The following ACAD8 variants were observed in gnomAD, a reference collection of about 807,000 sequenced individuals.
The protein encoded by ACAD8 is acyl-CoA dehydrogenase family member 8.
Under a neutral mutation model 53.1 loss-of-function variants are expected in ACAD8, and 47 were observed. That is an observed-to-expected ratio of 0.89 (90% confidence interval 0.70 to 1.13). The LOEUF (loss-of-function observed/expected upper bound fraction) is 1.13, where lower values mean the gene tolerates loss of function less well. Among genes scored for constraint, ACAD8 ranks in the 50% most tolerant of loss-of-function variants. The pLI, the probability that ACAD8 is intolerant of heterozygous loss-of-function variation, is 0.00. For missense variants in ACAD8, 494 were observed against 535.0 expected (o/e 0.92, Z 0.76); for synonymous variants, 198 against 201.3 (o/e 0.98, Z 0.14).
chr11:134,256,782 A>G, intron 2 of ACAD8, 134 bp downstream of exon 2: 1 of 820,296 alleles, frequency 1.2e-6, no homozygotes, highest in Non-Finnish European at 1.9e-6. Flanking sequence ...GAATACCGGT[A>G]GTGGATGATT....
chr11:134,263,754 CATTT>C, intron 10 of ACAD8: 1 of 985,294 alleles, frequency 1.0e-6, no homozygotes, highest in South Asian at 4.7e-5. Context: ...AGCAGGAAAA[CATTT>C]ATTGTAGGCC....
rs1299957581 is a variant in ACAD8, at chr11:134,261,939, G to C, written c.1092+49G>C. On this transcript the variant is annotated intron_variant, in intron 9 of 10. Coordinates refer to ENST00000281182, the MANE Select transcript of ACAD8 (RefSeq NM_014384.3). The surrounding 1 kb of genome is among the most constrained non-coding windows in gnomAD (Gnocchi z 4.2). ...TGGGATGGACAGGGAACAGCTGCTA[G>C]GCCCAGGGGTCTTGAGAGACATGAG... 5 of 1,606,772 alleles carry C rather than the reference G, an allele frequency of 3.1e-6. No individual in the cohort carries two copies. The South Asian group carries it at 4.4e-5, about 14-fold the overall frequency.
chr11:134,262,677 C>T, intron 10 of ACAD8, 55 bp downstream of exon 10: 1 of 1,555,456 alleles, frequency 6.4e-7, no homozygotes, highest in Non-Finnish European at 8.7e-7. Flanking sequence ...GGGATCGCTG[C>T]TTTCCCCACT....
At chr11:134,258,131 T>C in intron 3 of ACAD8, 1 of 333,424 alleles carries the variant, frequency 3.0e-6, no homozygotes, top group Non-Finnish European at 5.8e-6. Flanking sequence ...ATTACAGATG[T>C]GAGCCACCGC....
Position 134,262,512 on chromosome 11 carries a change from C to T in ACAD8, c.1093-8C>T. The T allele has an allele frequency of 6.2e-7, 1 of 1,603,888 alleles. No individual in the cohort carries two copies. The highest frequency in any genetic ancestry group is 8.5e-7 in the Non-Finnish European group (1 of 1,171,330). On this transcript the variant is annotated splice_region_variant and splice_polypyrimidine_tract_variant and intron_variant, in intron 9 of 10. Coordinates refer to ENST00000281182, the MANE Select transcript of ACAD8 (RefSeq NM_014384.3). Reference sequence around the variant, plus strand: ...AGTCCAAGACGTCTAGTCCCTGTCTCCCTGCAGATCTGCAACCAGGCCTTG... The same window carrying T: ...AGTCCAAGACGTCTAGTCCCTGTCTTCCTGCAGATCTGCAACCAGGCCTTG...
Position 134,253,583 on chromosome 11 carries a change from C to A in ACAD8, c.-18C>A. 3 of 1,566,890 alleles carry A rather than the reference C, an allele frequency of 1.9e-6. No homozygotes were observed. Among genetic ancestry groups the A allele is most frequent in the Non-Finnish European group, 1.7e-6 (2 of 1,158,832 alleles). ...GAAGGCGTTCAGACTCTTAGCTGAA[C>A]GCGGAGCTGCGGCGGCTATGCTGTG... is the stretch of plus-strand genomic sequence containing the variant. On this transcript the variant is annotated 5_prime_UTR_variant, in exon 1 of 11. Coordinates refer to ENST00000281182, the MANE Select transcript of ACAD8 (RefSeq NM_014384.3).
At position 134,261,367 on chromosome 11, in the gene ACAD8, A is replaced by T; in HGVS notation, c.934A>T (p.Asn312Tyr). Residue 312 changes from asparagine to tyrosine, a missense_variant, in exon 8 of 11, where the codon AAC (asparagine) becomes TAC (tyrosine). By Grantham distance (143) the Asn-to-Tyr change is moderately radical. Transcript: ENST00000281182. This position sits in a 1 kb window ranked among gnomAD's most constrained non-coding sequence, Gnocchi z 4.2. ...GCAGTTTGGAGAGCCTCTGGCCAGT[A>T]ACCAGGTAACCTCTGCCTTGCCTCC... ...RKQFGEPLAS[N>Y]QYLQFTLADM... 2 of 1,614,066 alleles carry T rather than the reference A, an allele frequency of 1.2e-6. No individual in the cohort carries two copies. The highest frequency in any genetic ancestry group is 8.5e-7 in the Non-Finnish European group (1 of 1,179,994).
chr11:134,257,935 C>T (rs905254844), intron 3 of ACAD8: 7 of 174,426 alleles, frequency 4.0e-5, no homozygotes, highest in African/African-American at 9.6e-5. Context: ...CTGCAACCTC[C>T]GTCTCCCCGG....
chr11:134,262,125 G>A (rs375675119), intron 9 of ACAD8: 2 of 679,530 alleles, frequency 2.9e-6, no homozygotes, highest in East Asian at 2.8e-5. Context: ...GTTTGGTTGT[G>A]TTCTAGGCGA....
At chr11:134,258,761 T>G in intron 4 of ACAD8, 137 bp downstream of exon 4, 1 of 776,820 alleles carries the variant, frequency 1.3e-6, no homozygotes, top group Non-Finnish European at 2.2e-6. Flanking sequence ...AGTAATAGAG[T>G]CCTGTGACCT....
chr11:134,254,098 C>T (rs1361924502), intron 1 of ACAD8, among the ~76,000 whole-genome samples: 4 of 152,192 alleles, frequency 2.6e-5, no homozygotes, highest in Non-Finnish European at 5.9e-5. Context: ...GGCCGGTCAC[C>T]CTCGGATGCT....
At position 134,264,999 on chromosome 11, in the gene ACAD8, C is replaced by T. The variant is rs1428516998; in HGVS notation, c.*39C>T. Reference sequence around the variant, plus strand: ...TCTGGCCTGGTGTTCAGTGCGACTGCAGTCAGTGTTGAGTGGTGCCATGTG... The same window carrying T: ...TCTGGCCTGGTGTTCAGTGCGACTGTAGTCAGTGTTGAGTGGTGCCATGTG... On this transcript the variant is annotated 3_prime_UTR_variant, in exon 11 of 11. Coordinates refer to ENST00000281182, the MANE Select transcript of ACAD8 (RefSeq NM_014384.3). 6 of 1,604,262 alleles carry T rather than the reference C, an allele frequency of 3.7e-6. 1 individual carries two copies. The Admixed American group carries it at 8.3e-5, about 22-fold the overall frequency.
Position 134,262,168 on chromosome 11 carries a change from A to C in ACAD8, c.1092+278A>C, listed in dbSNP as rs1309246987. ...CCTTTGGAAGGTTCACAGCAGCCCC[A>C]ATTTAGCACTCTGCCATGTTTACAT... On this transcript the variant is annotated intron_variant, in intron 9 of 10. Coordinates refer to ENST00000281182, the MANE Select transcript of ACAD8 (RefSeq NM_014384.3). 3 of 661,148 alleles carry C rather than the reference A, an allele frequency of 4.5e-6. No homozygotes were observed. The African/African-American group carries it at 5.3e-5, about 12-fold the overall frequency. 41.0% of individuals were successfully genotyped at this position (661,148 alleles called of 1,614,324 possible).
At position 134,261,252 on chromosome 11, in the gene ACAD8, A is replaced by G. The variant is rs1939862861; in HGVS notation, c.842-23A>G. On this transcript the variant is annotated intron_variant, in intron 7 of 10. Transcript: ENST00000281182. This position sits in a 1 kb window ranked among gnomAD's most constrained non-coding sequence, Gnocchi z 4.2. ...ACTGCTGTTTTCCAGCTTGGTTGGAACGTCGGCGCTCTTCCCCTCTAGCTT... is the reference window on the plus strand; with the variant it reads ...ACTGCTGTTTTCCAGCTTGGTTGGAGCGTCGGCGCTCTTCCCCTCTAGCTT... The G allele has an allele frequency of 6.2e-7, 1 of 1,613,762 alleles. No individual in the cohort carries two copies.
chr11:134,260,133 C>G (rs1939797656), intron 6 of ACAD8: 1 of 1,158,398 alleles, frequency 8.6e-7, no homozygotes. Flanking sequence ...CCTTTTGCTT[C>G]TTTGATTAAA....
intron 10 of ACAD8, chr11:134,263,518 C>T (rs1035146393): frequency 5.1e-6 from 5 of 985,530 alleles, no homozygotes; most frequent in Non-Finnish European, 6.0e-6. Context: ...TGAGACCCAC[C>T]GCTCTGGTGT....
At chr11:134,260,499 T>C (rs77332416) in intron 6 of ACAD8, 7,107 of 203,726 alleles carry the variant, frequency 0.035, 534 homozygotes, top group African/African-American at 0.16. Flanking sequence ...TCTGTAACTG[T>C]AAGGCATTAT....
chr11:134,258,139 C>T lies in ACAD8; in HGVS notation c.381-376C>T, dbSNP rs139607780. 5.5e-3 allele frequency: 1,866 copies of T among 337,574 alleles called. 26 individuals carry two copies. The highest frequency in any genetic ancestry group is 0.036 in the African/African-American group (1,700 of 46,596). 20.9% of individuals were successfully genotyped at this position (337,574 alleles called of 1,614,324 possible). A position where few individuals can be genotyped will look rare whatever the true frequency, so the allele number is the denominator to read the frequency against. ...TGCTGGGATTACAGATGTGAGCCAC[C>T]GCACCCGGCCCCTCTCACCCTTTTC... On this transcript the variant is annotated intron_variant, in intron 3 of 10. Coordinates refer to ENST00000281182, the MANE Select transcript of ACAD8 (RefSeq NM_014384.3).
chr11:134,253,626 T>G lies in ACAD8; in HGVS notation c.26T>G (p.Phe9Cys), dbSNP rs1380223528. The change falls in exon 1 of 11, where the codon TTC (phenylalanine) becomes TGC (cysteine). Residue 9 changes from phenylalanine to cysteine, a missense_variant. Phe to Cys is a radical substitution (Grantham distance 205). Transcript: ENST00000281182. ...ATGCTGTGGAGCGGCTGCCGGCGTT[T>G]CGGGGCGCGCCTCGGCTGCCTGCCC... MLWSGCRR[F>C]GARLGCLPGG... 3 of 1,582,772 alleles carry G rather than the reference T, an allele frequency of 1.9e-6. No individual in the cohort carries two copies. In the South Asian group the frequency reaches 3.4e-5, roughly 18 times the overall value.
Sources: gnomAD v4.1 joint callset for allele counts (sites outside exome capture counted in the v4.1 genomes callset) on GRCh38, gnomAD v4.1.1 for gene constraint, Gnocchi (gnomAD v3.1) non-coding constraint, MANE v1.5 for transcripts, NCBI Gene and HGNC (gene_info 2026-07-23, HGNC 2026-07-21) for gene names.